Variants in DLGAP1 observed in about 807,000 individuals in gnomAD.
DLGAP1 encodes DLG associated protein 1.
In DLGAP1, 11 loss-of-function variants were observed where a neutral mutation model predicts 90.8. The ratio of observed to expected loss-of-function variants is 0.12; its 90% CI spans 0.08 to 0.20. DLGAP1 has a LOEUF of 0.20. DLGAP1 is among the 10% of genes least tolerant of loss of function. DLGAP1 has a pLI of 1.00. For missense variants in DLGAP1, 1,050 were observed against 1,333.8 expected (o/e 0.79, Z 3.31); for synonymous variants, 558 against 540.7 (o/e 1.03, Z -0.44).
Position 4,036,023 on chromosome 18 carries a change from T to C in DLGAP1, c.-158-30822A>G, listed in dbSNP as rs570095657. Among the ~76,000 whole-genome samples, 33 of 152,272 alleles carry C rather than the reference T, an allele frequency of 2.2e-4. No homozygotes were observed. The South Asian group carries it at 6.8e-3, about 32-fold the overall frequency. ...GGAAAACCTACAGGTATCACAGATATGTCATTTGGTAAAGGGCATGATTTA... is the reference window on the plus strand; with the variant it reads ...GGAAAACCTACAGGTATCACAGATACGTCATTTGGTAAAGGGCATGATTTA... On this transcript the variant is annotated intron_variant, in intron 2 of 12. Transcript: ENST00000315677.
intron 3 of DLGAP1, among the ~76,000 whole-genome samples, chr18:3,900,186 A>C (rs1270547054): frequency 6.6e-6 from 1 of 152,130 alleles, no homozygotes; most frequent in Non-Finnish European, 1.5e-5. Flanking sequence ...CAAAGCTTAT[A>C]AAATAATTGA....
chr18:4,037,862 AG>A (rs1161112046), intron 2 of DLGAP1, among the ~76,000 whole-genome samples: 1 of 152,210 alleles, frequency 6.6e-6, no homozygotes. Context: ...CGGGAGGCTG[AG>A]GCTGGAGAAT....
At chr18:4,324,550 CAG>C (rs1335761547) in intron 1 of DLGAP1, among the ~76,000 whole-genome samples, 1 of 151,932 alleles carries the variant, frequency 6.6e-6, no homozygotes, top group Non-Finnish European at 1.5e-5. Flanking sequence ...CAAAACCTGG[CAG>C]AGACACAACA....
At chr18:3,848,127 C>CAAAAAAAAAAAAAAAAAAAAAAAAA (rs3862177) in intron 4 of DLGAP1, among the ~76,000 whole-genome samples, 2 of 32,078 alleles carry the variant, frequency 6.2e-5, no homozygotes, top group African/African-American at 3.4e-4. Context: ...GGCCCCGTCT[C>CAAAAAAAAAAAAAAAAAAAAAAAAA]AAAAAAAAAA....
chr18:4,151,522 T>C (rs1433166010), intron 1 of DLGAP1, among the ~76,000 whole-genome samples: 2 of 152,216 alleles, frequency 1.3e-5, no homozygotes, highest in Non-Finnish European at 2.9e-5. Flanking sequence ...CTGTAATAAA[T>C]AGGCTTGATA....
intron 5 of DLGAP1, among the ~76,000 whole-genome samples, chr18:3,743,770 C>A (rs2063156622): frequency 6.6e-6 from 1 of 152,158 alleles, no homozygotes; most frequent in Non-Finnish European, 1.5e-5. Context: ...CATGCCTCAG[C>A]CCCTGAATAG....
At chr18:4,348,400 A>ATGTATGTGTGTGTGTG (rs2081340139) in intron 1 of DLGAP1, among the ~76,000 whole-genome samples, 1 of 133,488 alleles carries the variant, frequency 7.5e-6, no homozygotes, top group Non-Finnish European at 1.6e-5. Flanking sequence ...GAACTCAGGA[A>ATGTATGTGTGTGTGTG]TGTGTGTGTG....
chr18:3,539,833 C>A (rs900200019), intron 9 of DLGAP1, among the ~76,000 whole-genome samples: 4 of 152,202 alleles, frequency 2.6e-5, no homozygotes, highest in Admixed American at 2.6e-4. Flanking sequence ...AGGAGAGTAG[C>A]TTAGTCTTTC....
intron 7 of DLGAP1, among the ~76,000 whole-genome samples, chr18:3,699,644 C>T (rs1430038245): frequency 6.6e-6 from 1 of 152,142 alleles, no homozygotes; most frequent in African/African-American, 2.4e-5. Context: ...GCAGAGTGTC[C>T]CTTAGCAGAG....
rs2059645693 is a variant in DLGAP1, at chr18:3,660,413, A to G, written c.1591+68722T>C. On this transcript the variant is annotated intron_variant, in intron 7 of 12. Coordinates refer to ENST00000315677, the MANE Select transcript of DLGAP1 (RefSeq NM_004746.4). The surrounding 1 kb of genome is among the most constrained non-coding windows in gnomAD (Gnocchi z 4.2). ...CTGTCCTCCTCATTAGAATATAATC[A>G]GAAGGAGAGCAGGAACCTGGTCTGT... Among the ~76,000 whole-genome samples the G allele has an allele frequency of 6.6e-6, 1 of 152,226 alleles. No individual in the cohort carries two copies. The highest frequency in any genetic ancestry group is 1.5e-5 in the Non-Finnish European group (1 of 68,028).
chr18:3,533,699 C>G (rs1052143508), intron 10 of DLGAP1, among the ~76,000 whole-genome samples: 4 of 152,112 alleles, frequency 2.6e-5, no homozygotes, highest in Non-Finnish European at 4.4e-5. Flanking sequence ...CTCAGTCTCT[C>G]GAAGAGCTGG....
intron 7 of DLGAP1, among the ~76,000 whole-genome samples, chr18:3,677,225 G>A (rs2060338820): frequency 6.6e-6 from 1 of 152,188 alleles, no homozygotes; most frequent in Admixed American, 6.5e-5. Context: ...AATTATGGAA[G>A]AGTCAAGAAC....
chr18:3,795,321 C>T (rs1168286925), intron 5 of DLGAP1, among the ~76,000 whole-genome samples: 5 of 152,008 alleles, frequency 3.3e-5, no homozygotes, highest in Non-Finnish European at 7.4e-5. Context: ...TTTCTTTTCT[C>T]TTTTCTTTTT....
intron 2 of DLGAP1, among the ~76,000 whole-genome samples, chr18:4,110,466 T>C (rs2075953623): frequency 6.6e-6 from 1 of 152,198 alleles, no homozygotes; most frequent in South Asian, 2.1e-4. Context: ...GACTATAGAA[T>C]TAAGCTTAAC....
chr18:3,555,774 G>C (rs111641308), intron 9 of DLGAP1, among the ~76,000 whole-genome samples: 17,118 of 151,936 alleles, frequency 0.11, 1,563 homozygotes, highest in African/African-American at 0.26. Context: ...CACACCATTG[G>C]ACTCTAGCCT....
chr18:4,184,312 G>T (rs919097446), intron 1 of DLGAP1, among the ~76,000 whole-genome samples: 1 of 152,094 alleles, frequency 6.6e-6, no homozygotes, highest in Non-Finnish European at 1.5e-5. Flanking sequence ...CCAAATGGTA[G>T]AATAATTATT....
Position 3,729,431 on chromosome 18 carries a change from T to C in DLGAP1, c.1351-56A>G, listed in dbSNP as rs2062331953. On this transcript the variant is annotated intron_variant, in intron 6 of 12. Coordinates refer to ENST00000315677, the MANE Select transcript of DLGAP1 (RefSeq NM_004746.4). The surrounding 1 kb of genome is among the most constrained non-coding windows in gnomAD (Gnocchi z 6.2). ...GCCTCCACCTGGTGGAGGATCAACC[T>C]CTCCAAGCATCTGCGAACTTCAATC... 1.3e-6 allele frequency: 2 copies of C among 1,564,492 alleles called. No homozygotes were observed. The highest frequency in any genetic ancestry group is 2.7e-5 in the African/African-American group (2 of 73,826).
intron 6 of DLGAP1, among the ~76,000 whole-genome samples, chr18:3,740,999 TCACCACCACCACCACCATCACCAC>T (rs1568047465): frequency 9.3e-4 from 20 of 21,598 alleles, no homozygotes; most frequent in Admixed American, 1.5e-3. Flanking sequence ...CACCATCACC[TCACCACCACCACCACCATCACCAC>T]CACCACCACC....
chr18:4,356,597 C>T (rs1035935625), intron 1 of DLGAP1, among the ~76,000 whole-genome samples: 1 of 152,114 alleles, frequency 6.6e-6, no homozygotes, highest in African/African-American at 2.4e-5. Flanking sequence ...ATCCTGAATC[C>T]GAGGATTTCC....
Sources: allele counts gnomAD v4.1 joint callset (sites outside exome capture counted in the v4.1 genomes callset), GRCh38; gene constraint gnomAD v4.1.1; non-coding constraint Gnocchi (gnomAD v3.1); transcripts MANE v1.5; gene names NCBI Gene and HGNC (gene_info 2026-07-23, HGNC 2026-07-21).